ABTB2: variants seen among roughly 807,000 people sequenced by gnomAD.
ABTB2 encodes ankyrin repeat and BTB domain containing 2.
Under a neutral mutation model 104.1 loss-of-function variants are expected in ABTB2, and 56 were observed. That is an observed-to-expected ratio of 0.54 (90% CI 0.43 to 0.67). The LOEUF (loss-of-function observed/expected upper bound fraction) is 0.67. Among genes scored for constraint, ABTB2 ranks in the 30% least tolerant of loss-of-function variants. ABTB2 has a pLI of 0.00. For synonymous variants in ABTB2, 606 were observed against 608.2 expected, an observed-to-expected ratio of 1.00 and a Z score of 0.05; for missense variants, 1,279 against 1,407.7, an observed-to-expected ratio of 0.91 and a Z score of 1.46.
rs979128112 is a variant in ABTB2, at chr11:34,151,999, C to T, written c.*388G>A. 1.7e-5 allele frequency: 4 copies of T among 236,260 alleles called. No individual in the cohort carries two copies. Among genetic ancestry groups the T allele is most frequent in the African/African-American group, 6.8e-5 (3 of 44,340 alleles). 14.6% of individuals were successfully genotyped at this position (236,260 alleles called of 1,614,324 possible). ...TAAGGATTCCTGTACCCCCAGGAGC[C>T]CCAGTTGGGATGGTCTGAGTTTACT... On this transcript the variant is annotated 3_prime_UTR_variant, in exon 17 of 17. Coordinates refer to ENST00000435224, the MANE Select transcript of ABTB2 (RefSeq NM_145804.3).
At chr11:34,234,750 C>A (rs1296392240) in intron 1 of ABTB2, among the ~76,000 whole-genome samples, 2 of 152,226 alleles carry the variant, frequency 1.3e-5, no homozygotes, top group Admixed American at 6.5e-5. Flanking sequence ...GTAATGCTAC[C>A]TGCTCCTGCT....
chr11:34,165,207 TG>T, intron 8 of ABTB2, 52 bp downstream of exon 8: 4 of 1,478,208 alleles, frequency 2.7e-6, no homozygotes, highest in South Asian at 1.3e-5. Context: ...CTGGCCAGGC[TG>T]GGGGGCACTG....
intron 9 of ABTB2, among the ~76,000 whole-genome samples, chr11:34,163,253 CTA>C (rs1263536463): frequency 6.6e-6 from 1 of 152,160 alleles, no homozygotes; most frequent in African/African-American, 2.4e-5. Flanking sequence ...TAGCAGCTGA[CTA>C]TGCACGTGAA....
chr11:34,204,403 C>T, intron 2 of ABTB2, 141 bp downstream of exon 2: 1 of 1,043,488 alleles, frequency 9.6e-7, no homozygotes, highest in South Asian at 1.8e-5. Context: ...AAAGATCTAG[C>T]TTTCAGGGAA....
At chr11:34,299,950 A>G (rs138783535) in intron 1 of ABTB2, among the ~76,000 whole-genome samples, 55 of 152,316 alleles carry the variant, frequency 3.6e-4, no homozygotes, top group African/African-American at 1.3e-3. Context: ...TGCCTCCTTC[A>G]TAAAGGCACA....
chr11:34,298,603 C>A (rs1011149303), intron 1 of ABTB2, among the ~76,000 whole-genome samples: 1 of 152,082 alleles, frequency 6.6e-6, no homozygotes, highest in Non-Finnish European at 1.5e-5. Flanking sequence ...GCTGGAACTA[C>A]AGGCGCAGAA....
chr11:34,197,224 T>C, intron 3 of ABTB2, 101 bp downstream of exon 3: 1 of 1,313,968 alleles, frequency 7.6e-7, no homozygotes, highest in Non-Finnish European at 1.1e-6. Flanking sequence ...CAGGGCCCCT[T>C]CCTCGCCCTG....
rs186812996 is a variant in ABTB2, at chr11:34,151,288, C to G, written c.*1099G>C. On this transcript the variant is annotated 3_prime_UTR_variant, in exon 17 of 17. Coordinates refer to ENST00000435224, the MANE Select transcript of ABTB2 (RefSeq NM_145804.3). The stretch of plus-strand genomic sequence containing the variant: ...CAGACAGACTGTGCCTGATGCTGCC[C>G]CAGTGTCTGGTCCATAAATATGACA... 2.6e-5 allele frequency: 4 copies of G among 152,370 alleles called. No homozygotes were observed. Among genetic ancestry groups the G allele is most frequent in the Admixed American group, 2.0e-4 (3 of 15,302 alleles). 9.4% of individuals were successfully genotyped at this position (152,370 alleles called of 1,614,324 possible). A position where few individuals can be genotyped will look rare whatever the true frequency, so the allele number is the denominator to read the frequency against.
At chr11:34,259,808 TTTA>T (rs903007135) in intron 1 of ABTB2, among the ~76,000 whole-genome samples, 2 of 151,936 alleles carry the variant, frequency 1.3e-5, no homozygotes, top group African/African-American at 4.8e-5. Context: ...CTAAATAAAC[TTTA>T]TTATTATTAT....
At chr11:34,340,968 C>T (rs1285520776) in intron 1 of ABTB2, among the ~76,000 whole-genome samples, 1 of 152,152 alleles carries the variant, frequency 6.6e-6, no homozygotes, top group Non-Finnish European at 1.5e-5. Flanking sequence ...GGAATATCAA[C>T]AGTAGGAACA....
rs1196163243 is a variant in ABTB2 at position 34,252,196 on chromosome 11, C to G, written c.884-47506G>C. Reference sequence around the variant, plus strand: ...CACAGCATGAGCCCCCACACCAGAGCTGGCCAGAGCCCCACGACTCCATGC... The same window carrying G: ...CACAGCATGAGCCCCCACACCAGAGGTGGCCAGAGCCCCACGACTCCATGC... On this transcript the variant is annotated intron_variant, in intron 1 of 16. Coordinates refer to ENST00000435224, the MANE Select transcript of ABTB2 (RefSeq NM_145804.3). The surrounding 1 kb of genome is among the most constrained non-coding windows in gnomAD (Gnocchi z 5.5). Among the ~76,000 whole-genome samples the G allele has an allele frequency of 2.0e-5, 3 of 152,220 alleles. No homozygotes were observed. The highest frequency in any genetic ancestry group is 2.0e-4 in the Admixed American group (3 of 15,276).
chr11:34,347,964 G>A (rs1007953773), intron 1 of ABTB2, among the ~76,000 whole-genome samples: 3 of 152,124 alleles, frequency 2.0e-5, no homozygotes, highest in South Asian at 2.1e-4. Context: ...GGCAAGAGTC[G>A]ATCCAATGGC....
At chr11:34,152,967 C>T (rs1348545754) in intron 16 of ABTB2, among the ~76,000 whole-genome samples, 2 of 152,184 alleles carry the variant, frequency 1.3e-5, no homozygotes, top group African/African-American at 4.8e-5. Context: ...ATCAAGGGGC[C>T]GCTCTGGGTT....
intron 1 of ABTB2, among the ~76,000 whole-genome samples, chr11:34,293,267 G>A (rs186845087): frequency 0.037 from 5,577 of 152,244 alleles, 132 homozygotes; most frequent in Non-Finnish European, 0.059. Flanking sequence ...GACTAGGACT[G>A]CAGTTCTGGG....
At chr11:34,152,914 G>C (rs1476958917) in intron 16 of ABTB2, among the ~76,000 whole-genome samples, 1 of 152,214 alleles carries the variant, frequency 6.6e-6, no homozygotes, top group East Asian at 1.9e-4. Context: ...GCATGTGACT[G>C]TGCACATGGT....
Position 34,357,614 on chromosome 11 carries a change from C to G in ABTB2, c.-31G>C. 6.7e-7 allele frequency: 1 copy of G among 1,483,036 alleles called. No individual in the cohort carries two copies. The highest frequency in any genetic ancestry group is 1.4e-5 in the African/African-American group (1 of 71,714). 91.9% of individuals were successfully genotyped at this position (1,483,036 alleles called of 1,614,324 possible). On this transcript the variant is annotated 5_prime_UTR_variant, in exon 1 of 17. Coordinates refer to ENST00000435224, the MANE Select transcript of ABTB2 (RefSeq NM_145804.3). ...GCCTGCCGAGGGCGGCGTCGCCGAG[C>G]GAGGGGCACTCACAACTCCATGCCC...
At chr11:34,237,805 C>T (rs1429486856) in intron 1 of ABTB2, among the ~76,000 whole-genome samples, 7 of 152,150 alleles carry the variant, frequency 4.6e-5, no homozygotes, top group South Asian at 2.1e-4. Flanking sequence ...GCAGGAGAAT[C>T]GCTTGAACCT....
At position 34,186,274 on chromosome 11, in the gene ABTB2, C is replaced by T. The variant is rs370127312; in HGVS notation, c.1244+11051G>A. On this transcript the variant is annotated intron_variant, in intron 3 of 16. Coordinates refer to ENST00000435224, the MANE Select transcript of ABTB2 (RefSeq NM_145804.3). ...TTAAAGCAGTCAAAGCGGGGAGGGG[C>T]AAGTCACAGACAGCTGTCAGGGCGG... 1.1e-3 allele frequency among the ~76,000 whole-genome samples: 174 copies of T among 152,306 alleles called. 1 individual carries two copies. The highest frequency in any genetic ancestry group is 3.9e-3 in the African/African-American group (163 of 41,572).
chr11:34,176,087 C>T (rs1365163635), intron 3 of ABTB2, among the ~76,000 whole-genome samples: 1 of 152,042 alleles, frequency 6.6e-6, no homozygotes, highest in African/African-American at 2.4e-5. Flanking sequence ...CGAGACCAGC[C>T]TGCCCAATAT....
Sources: gnomAD v4.1 joint callset for allele counts (sites outside exome capture counted in the v4.1 genomes callset) on GRCh38, gnomAD v4.1.1 for gene constraint, Gnocchi (gnomAD v3.1) non-coding constraint, MANE v1.5 for transcripts, NCBI Gene and HGNC (gene_info 2026-07-23, HGNC 2026-07-21) for gene names.